UMAD1: variants seen among roughly 807,000 people sequenced by gnomAD.
The protein encoded by UMAD1 is UBAP1-MVB12-associated (UMA) domain containing 1, also known as UBAP1-MVB12-associated (UMA)-domain containing protein 1.
UMAD1 carries 8 observed loss-of-function variants against 6.1 expected under a neutral mutation model. The ratio of observed to expected loss-of-function variants is 1.30; its 90% CI spans 0.76 to 2.35. The LOEUF (loss-of-function observed/expected upper bound fraction) is 2.35, where lower values mean the gene tolerates loss of function less well. UMAD1 is among the 30% of genes most tolerant of loss of function. UMAD1 has a pLI of 0.00. For synonymous variants in UMAD1, 56 were observed against 31.4 expected (o/e 1.78, Z -2.61); for missense variants, 130 against 78.4 (o/e 1.66, Z -2.49).
At chr7:7,844,862 A>AC (rs1231131517) in intron 3 of UMAD1, among the ~76,000 whole-genome samples, 1 of 152,210 alleles carries the variant, frequency 6.6e-6, no homozygotes, top group East Asian at 1.9e-4. Flanking sequence ...TTATGCTTCT[A>AC]AAAAGATTTT....
intron 3 of UMAD1, among the ~76,000 whole-genome samples, chr7:7,814,013 C>T (rs749797815): frequency 5.3e-5 from 8 of 151,110 alleles, no homozygotes; most frequent in Non-Finnish European, 1.5e-5. Context: ...GAGACGGAGT[C>T]TCGCTCTGTT....
chr7:7,690,876 A>G (rs1326707847), intron 2 of UMAD1, among the ~76,000 whole-genome samples: 2 of 152,214 alleles, frequency 1.3e-5, no homozygotes, highest in East Asian at 3.8e-4. Context: ...ATTATGACTT[A>G]TACCTGTTAT....
intron 2 of UMAD1, among the ~76,000 whole-genome samples, chr7:7,728,308 C>T (rs113667281): frequency 6.6e-6 from 1 of 152,190 alleles, no homozygotes; most frequent in South Asian, 2.1e-4. Flanking sequence ...GTGATTTAAT[C>T]TCTTTGAGTG....
intron 2 of UMAD1, 30 bp downstream of exon 2, chr7:7,673,483 G>C: frequency 1.4e-6 from 1 of 726,224 alleles, no homozygotes; most frequent in Non-Finnish European, 2.4e-6. Context: ...AAAATAATTA[G>C]ATGAATTATG....
chr7:7,709,570 C>G (rs1180435579), intron 2 of UMAD1, among the ~76,000 whole-genome samples: 1 of 152,238 alleles, frequency 6.6e-6, no homozygotes, highest in Non-Finnish European at 1.5e-5. Context: ...CAAAATGAGG[C>G]TTGTGGGATA....
chr7:7,834,243 G>C (rs558470413), intron 3 of UMAD1, among the ~76,000 whole-genome samples: 18 of 151,558 alleles, frequency 1.2e-4, no homozygotes, highest in African/African-American at 4.1e-4. Context: ...GGCTGGTCTC[G>C]AACTCCTGAT....
chr7:7,840,253 A>G (rs1050155686), intron 3 of UMAD1, among the ~76,000 whole-genome samples: 43 of 152,132 alleles, frequency 2.8e-4, no homozygotes, highest in African/African-American at 1.0e-3. Context: ...CGGTTGAAAG[A>G]AAAGGATTTT....
chr7:7,776,224 G>C (rs999058778), intron 2 of UMAD1, among the ~76,000 whole-genome samples: 2 of 152,148 alleles, frequency 1.3e-5, no homozygotes, highest in Admixed American at 6.5e-5. Flanking sequence ...TACTTGAGAG[G>C]CTAAGGCAGA....
At chr7:7,649,692 G>T (rs1292588831) in intron 1 of UMAD1, among the ~76,000 whole-genome samples, 2 of 151,600 alleles carry the variant, frequency 1.3e-5, no homozygotes, top group Non-Finnish European at 2.9e-5. Context: ...GTTGGTGGGG[G>T]GGCCCACCCT....
chr7:7,838,417 G>A (rs1783611730), intron 3 of UMAD1, among the ~76,000 whole-genome samples: 1 of 152,148 alleles, frequency 6.6e-6, no homozygotes, highest in South Asian at 2.1e-4. Context: ...ATGCATGGAA[G>A]ATTTATGAAA....
At chr7:7,683,116 G>A (rs1290647457) in intron 2 of UMAD1, among the ~76,000 whole-genome samples, 1 of 152,228 alleles carries the variant, frequency 6.6e-6, no homozygotes, top group African/African-American at 2.4e-5. Flanking sequence ...CTCAGAGGCA[G>A]AACTGAGCCT....
intron 1 of UMAD1, among the ~76,000 whole-genome samples, chr7:7,646,988 A>G (rs866207363): frequency 7.2e-5 from 11 of 152,222 alleles, no homozygotes; most frequent in Middle Eastern, 6.8e-3. Flanking sequence ...CAGGGACCCC[A>G]CCCTTCTGCC....
intron 3 of UMAD1, among the ~76,000 whole-genome samples, chr7:7,864,462 C>G (rs893004643): frequency 6.6e-6 from 1 of 151,958 alleles, no homozygotes; most frequent in African/African-American, 2.4e-5. Flanking sequence ...CATCACAGGG[C>G]ACACTCATAC....
intron 3 of UMAD1, among the ~76,000 whole-genome samples, chr7:7,851,756 T>C (rs1218722644): frequency 1.3e-5 from 2 of 152,194 alleles, no homozygotes; most frequent in East Asian, 3.8e-4. Flanking sequence ...TGTTGAGGTT[T>C]CTAAAAAATA....
At chr7:7,842,287 T>G (rs1287964400) in intron 3 of UMAD1, among the ~76,000 whole-genome samples, 2 of 152,202 alleles carry the variant, frequency 1.3e-5, no homozygotes, top group Admixed American at 6.5e-5. Context: ...AGCAAATGAT[T>G]GTGGAAATGC....
At chr7:7,678,460 A>AATAT (rs545168491) in intron 2 of UMAD1, among the ~76,000 whole-genome samples, 3,243 of 142,272 alleles carry the variant, frequency 0.023, 92 homozygotes, top group South Asian at 0.094. Context: ...TTATATAATA[A>AATAT]ATATATATTT....
intron 2 of UMAD1, among the ~76,000 whole-genome samples, chr7:7,793,068 C>G (rs541311067): frequency 1.3e-5 from 2 of 152,338 alleles, no homozygotes; most frequent in African/African-American, 4.8e-5. Context: ...CATAGATTCT[C>G]TGATGCTGAA....
intron 3 of UMAD1, among the ~76,000 whole-genome samples, chr7:7,854,706 T>C (rs1783982168): frequency 6.6e-6 from 1 of 152,126 alleles, no homozygotes; most frequent in South Asian, 2.1e-4. Context: ...CGCTCCCAGA[T>C]CTCATGTCCT....
intron 2 of UMAD1, among the ~76,000 whole-genome samples, chr7:7,771,831 T>C (rs1782109598): frequency 1.3e-5 from 2 of 152,132 alleles, no homozygotes; most frequent in Admixed American, 1.3e-4. Context: ...CTGTGCAAGG[T>C]TACCCATAGG....
Sources: gnomAD v4.1 joint callset for allele counts (sites outside exome capture counted in the v4.1 genomes callset) on GRCh38, gnomAD v4.1.1 for gene constraint, MANE v1.5 for transcripts, NCBI Gene and HGNC (gene_info 2026-07-23, HGNC 2026-07-21) for gene names.